Variants in DGKB observed in about 807,000 individuals in gnomAD.
The protein encoded by DGKB is 90 kDa diacylglycerol kinase.
DGKB carries 67 observed loss-of-function variants against 114.3 expected under a neutral mutation model. The ratio of observed to expected loss-of-function variants is 0.59; its 90% CI spans 0.48 to 0.72. DGKB has a LOEUF of 0.72. Ranked by LOEUF, DGKB falls within the 30% of genes least tolerant of loss-of-function variation. DGKB has a pLI of 0.00. For synonymous variants in DGKB, 398 were observed against 323.1 expected (o/e 1.23, Z -2.49); for missense variants, 907 against 975.2 (o/e 0.93, Z 0.93).
Position 14,702,978 on chromosome 7 carries a change from G to A in DGKB, c.467-1248C>T, listed in dbSNP as rs78267919. 2.4e-4 allele frequency among the ~76,000 whole-genome samples: 36 copies of A among 152,260 alleles called. No individual in the cohort carries two copies. In the East Asian group the frequency reaches 5.4e-3, roughly 23 times the overall value. On this transcript the variant is annotated intron_variant, in intron 6 of 25. Coordinates refer to ENST00000402815, the MANE Select transcript of DGKB (RefSeq NM_001350709.2). ...AACAAATGTCTGTCTATTGACTTAAGGGCAATAATACTAAACTGGCTAAAA... is the reference window on the plus strand; with the variant it reads ...AACAAATGTCTGTCTATTGACTTAAAGGCAATAATACTAAACTGGCTAAAA...
intron 13 of DGKB, among the ~76,000 whole-genome samples, chr7:14,647,098 T>A (rs1563779664): frequency 6.6e-6 from 1 of 151,678 alleles, no homozygotes; most frequent in East Asian, 1.9e-4. Flanking sequence ...AAAACCTCAA[T>A]AAATAAAACC....
intron 23 of DGKB, among the ~76,000 whole-genome samples, chr7:14,314,215 A>G (rs1356936677): frequency 6.6e-6 from 1 of 152,142 alleles, no homozygotes; most frequent in Admixed American, 6.5e-5. Flanking sequence ...AACTCTAAAA[A>G]TCAGAGCGCC....
intron 13 of DGKB, among the ~76,000 whole-genome samples, chr7:14,651,313 C>T (rs886735606): frequency 1.4e-4 from 22 of 151,980 alleles, no homozygotes; most frequent in African/African-American, 3.6e-4. Flanking sequence ...ATCAAGTGGG[C>T]TTCATCCCTG....
chr7:14,869,485 G>C (rs1226049731), intron 1 of DGKB, among the ~76,000 whole-genome samples: 2 of 152,096 alleles, frequency 1.3e-5, no homozygotes, highest in East Asian at 1.9e-4. Flanking sequence ...TTTTACAAAA[G>C]TGTTTAAACT....
At chr7:14,728,975 C>T (rs181152266) in intron 5 of DGKB, among the ~76,000 whole-genome samples, 1 of 152,148 alleles carries the variant, frequency 6.6e-6, no homozygotes, top group East Asian at 1.9e-4. Flanking sequence ...GCTAGGATTA[C>T]AAGCATGAAC....
At chr7:14,313,841 A>C (rs530229936) in intron 23 of DGKB, among the ~76,000 whole-genome samples, 48 of 152,284 alleles carry the variant, frequency 3.2e-4, no homozygotes, top group South Asian at 1.5e-3. Flanking sequence ...GCACAGACAA[A>C]CAAAAAGACA....
At chr7:14,192,143 C>T (rs1187693008) in intron 23 of DGKB, 2 of 313,760 alleles carry the variant, frequency 6.4e-6, no homozygotes, top group African/African-American at 2.2e-5. Flanking sequence ...AAATAAAAGG[C>T]ATCCAAACTG....
At chr7:14,929,815 A>T (rs573018303) in intron 1 of DGKB, among the ~76,000 whole-genome samples, 6 of 151,864 alleles carry the variant, frequency 4.0e-5, no homozygotes, top group Non-Finnish European at 7.4e-5. Flanking sequence ...GTCCAGAAAA[A>T]TTTTCCCTAA....
chr7:14,757,085 T>C (rs1249176609), intron 3 of DGKB, among the ~76,000 whole-genome samples: 1 of 151,972 alleles, frequency 6.6e-6, no homozygotes, highest in African/African-American at 2.4e-5. Flanking sequence ...AAATAGAAGA[T>C]TAAAAAAATT....
intron 21 of DGKB, among the ~76,000 whole-genome samples, chr7:14,380,680 C>A (rs1819306054): frequency 6.6e-6 from 1 of 152,136 alleles, no homozygotes; most frequent in African/African-American, 2.4e-5. Context: ...TCATTGCTTT[C>A]ATCACACATT....
intron 1 of DGKB, among the ~76,000 whole-genome samples, chr7:14,911,146 T>C (rs1783982428): frequency 6.6e-6 from 1 of 152,096 alleles, no homozygotes; most frequent in Non-Finnish European, 1.5e-5. Context: ...ATCAATTTTT[T>C]GTAGTGATTT....
chr7:14,618,860 G>T (rs934243626), intron 15 of DGKB, among the ~76,000 whole-genome samples: 1 of 150,970 alleles, frequency 6.6e-6, no homozygotes, highest in Non-Finnish European at 1.5e-5. Flanking sequence ...AAACTGGGCT[G>T]CAACTCAATG....
rs1335109972 is a variant in DGKB, at chr7:14,705,449, A to T, written c.467-3719T>A. ...TCTAGCAAGGCAGGCCAACGTTCAG[A>T]TTCAGGAAATACAGAGAACGCCACA... On this transcript the variant is annotated intron_variant, in intron 6 of 25. Transcript: ENST00000402815. Among the ~76,000 whole-genome samples the T allele has an allele frequency of 4.0e-5, 6 of 151,764 alleles. No homozygotes were observed. The East Asian group carries it at 5.9e-4, about 15-fold the overall frequency.
At chr7:14,523,010 T>C (rs1790035437) in intron 20 of DGKB, among the ~76,000 whole-genome samples, 1 of 152,162 alleles carries the variant, frequency 6.6e-6, no homozygotes, top group African/African-American at 2.4e-5. Flanking sequence ...ATATTATCTA[T>C]GGCCTGATAT....
chr7:14,968,201 T>TA (rs71549907), intron 1 of DGKB, among the ~76,000 whole-genome samples: 9,768 of 147,856 alleles, frequency 0.066, 347 homozygotes, highest in Non-Finnish European at 0.083. Flanking sequence ...ATGGAGATTA[T>TA]AAAAAAAAAA....
rs144218995 is a variant in DGKB at position 14,485,872 on chromosome 7, C to T, written c.1771-7647G>A. 3.0e-5 allele frequency among the ~76,000 whole-genome samples: 4 copies of T among 131,678 alleles called. No individual in the cohort carries two copies. The East Asian group carries it at 7.6e-4, about 25-fold the overall frequency. The allele number at this position is 131,678 out of a possible 152,430, so 86.4% of individuals were successfully genotyped here. On this transcript the variant is annotated intron_variant, in intron 20 of 25. Coordinates refer to ENST00000402815, the MANE Select transcript of DGKB (RefSeq NM_001350709.2). ...CGCCATTGCACTCTGGCCTGGGTAA[C>T]AAGAATAAAACTCCATCTCAAAAAA...
chr7:14,272,468 A>C (rs1798401963), intron 23 of DGKB, among the ~76,000 whole-genome samples: 1 of 152,202 alleles, frequency 6.6e-6, no homozygotes, highest in Admixed American at 6.5e-5. Context: ...AAAAAATTGA[A>C]GATTTAGTTC....
chr7:14,151,499 G>GA (rs1420115002), intron 25 of DGKB, among the ~76,000 whole-genome samples: 1 of 150,846 alleles, frequency 6.6e-6, no homozygotes, highest in Non-Finnish European at 1.5e-5. Context: ...TTATGCCTTT[G>GA]AAAAAATAGC....
In DGKB at chr7:14,178,247, C is replaced by CCA. The variant is rs1040148499; in HGVS notation, c.2123-98_2123-97dup. 3.1e-6 allele frequency: 4 copies of CCA among 1,279,558 alleles called. No homozygotes were observed. In the African/African-American group the frequency reaches 6.2e-5, roughly 20 times the overall value. 79.3% of individuals were successfully genotyped at this position (1,279,558 alleles called of 1,614,324 possible). A position where few individuals can be genotyped will look rare whatever the true frequency, so the allele number is the denominator to read the frequency against. ...TTATGGAGATTAAAAAAAATAACAG[C>CCA]CACTTCACAAAGAAAGCTTGTCTTA... On this transcript the variant is annotated intron_variant, in intron 23 of 25. Coordinates refer to ENST00000402815, the MANE Select transcript of DGKB (RefSeq NM_001350709.2).
Sources: allele counts gnomAD v4.1 joint callset (sites outside exome capture counted in the v4.1 genomes callset), GRCh38; gene constraint gnomAD v4.1.1; transcripts MANE v1.5; gene names NCBI Gene and HGNC (gene_info 2026-07-23, HGNC 2026-07-21).